The following ASTN2 variants were observed in gnomAD, a reference collection of about 807,000 sequenced individuals.
The protein encoded by ASTN2 is astrotactin-2.
Under a neutral mutation model 139.8 loss-of-function variants are expected in ASTN2, and 54 were observed. The ratio of observed to expected loss-of-function variants is 0.39; its 90% confidence interval spans 0.31 to 0.48. The LOEUF is 0.48. ASTN2 is among the 20% of genes least tolerant of loss of function. The probability of loss-of-function intolerance (pLI) is 0.95; values close to 1 mark genes in which losing one functional copy is unlikely to be tolerated. For missense variants in ASTN2, 1,565 were observed against 1,725.1 expected (o/e 0.91, Z 1.64); for synonymous variants, 756 against 719.5 (o/e 1.05, Z -0.81).
chr9:116,581,191 T>C (rs1159202491), intron 19 of ASTN2, among the ~76,000 whole-genome samples: 1 of 152,130 alleles, frequency 6.6e-6, no homozygotes, highest in Non-Finnish European at 1.5e-5. Context: ...AAAAAGACAG[T>C]GCTGCTTGCT....
intron 19 of ASTN2, among the ~76,000 whole-genome samples, chr9:116,539,013 A>AT (rs1564354400): frequency 6.6e-6 from 1 of 152,226 alleles, no homozygotes; most frequent in Non-Finnish European, 1.5e-5. Context: ...AAAAACAGCA[A>AT]TAAAAATGAA....
chr9:116,845,430 G>A (rs535127302), intron 11 of ASTN2, among the ~76,000 whole-genome samples: 1 of 152,288 alleles, frequency 6.6e-6, no homozygotes, highest in Admixed American at 6.5e-5. Flanking sequence ...AAATGTGAGA[G>A]TTCCCGACTT....
intron 16 of ASTN2, among the ~76,000 whole-genome samples, chr9:116,706,573 A>C (rs1471078392): frequency 6.6e-6 from 1 of 151,912 alleles, no homozygotes; most frequent in Non-Finnish European, 1.5e-5. Context: ...AAACCTTTTC[A>C]TATCTATTTG....
chr9:117,081,324 C>A (rs952640019), intron 5 of ASTN2, among the ~76,000 whole-genome samples: 1 of 152,174 alleles, frequency 6.6e-6, no homozygotes, highest in South Asian at 2.1e-4. Context: ...GAGGGAAGGA[C>A]ATGTTCTACC....
At chr9:116,991,876 C>T (rs1836865907) in intron 7 of ASTN2, among the ~76,000 whole-genome samples, 1 of 152,214 alleles carries the variant, frequency 6.6e-6, no homozygotes, top group Non-Finnish European at 1.5e-5. Context: ...TTGCTTCTCT[C>T]CCTGGTGACT....
intron 19 of ASTN2, chr9:116,585,485 A>G (rs1314888097): frequency 1.3e-5 from 2 of 152,152 alleles, no homozygotes; most frequent in Non-Finnish European, 2.9e-5. Context: ...AAACCAATGG[A>G]ACAGAATAGA....
intron 13 of ASTN2, among the ~76,000 whole-genome samples, chr9:116,748,482 G>C (rs1829310949): frequency 6.6e-6 from 1 of 152,122 alleles, no homozygotes; most frequent in Non-Finnish European, 1.5e-5. Context: ...GTAACTTTCA[G>C]TATGTTTCCA....
chr9:116,631,925 C>A (rs1856763696), intron 17 of ASTN2, among the ~76,000 whole-genome samples: 1 of 151,678 alleles, frequency 6.6e-6, no homozygotes, highest in African/African-American at 2.4e-5. Flanking sequence ...ACCATCCTGG[C>A]CAACATAGTG....
chr9:116,736,476 A>G (rs1488281593), intron 13 of ASTN2, among the ~76,000 whole-genome samples: 3 of 152,150 alleles, frequency 2.0e-5, no homozygotes, highest in Non-Finnish European at 4.4e-5. Flanking sequence ...CCTGTGACAC[A>G]CACAGACTGT....
At chr9:117,039,204 A>T (rs1377580123) in intron 6 of ASTN2, among the ~76,000 whole-genome samples, 1 of 152,212 alleles carries the variant, frequency 6.6e-6, no homozygotes, top group Non-Finnish European at 1.5e-5. Flanking sequence ...TCTTTACTGG[A>T]TAAAGAAAAT....
intron 4 of ASTN2, among the ~76,000 whole-genome samples, chr9:117,113,047 C>T (rs1265796822): frequency 6.6e-6 from 1 of 152,126 alleles, no homozygotes; most frequent in Non-Finnish European, 1.5e-5. Flanking sequence ...TACAACTGCA[C>T]AACAATTAGA....
chr9:116,434,213 T>A (rs563765343), intron 22 of ASTN2, among the ~76,000 whole-genome samples: 1 of 152,254 alleles, frequency 6.6e-6, no homozygotes, highest in East Asian at 1.9e-4. Flanking sequence ...AATGTACACA[T>A]CCACTGTGCA....
chr9:117,302,706 G>A (rs1187597186), intron 1 of ASTN2, among the ~76,000 whole-genome samples: 1 of 152,178 alleles, frequency 6.6e-6, no homozygotes, highest in Non-Finnish European at 1.5e-5. Flanking sequence ...ATGGCACCAT[G>A]CAGTGTGATG....
chr9:116,627,233 C>T (rs1856511571), intron 17 of ASTN2, among the ~76,000 whole-genome samples: 1 of 152,168 alleles, frequency 6.6e-6, no homozygotes, highest in Non-Finnish European at 1.5e-5. Context: ...CAAAAATTGC[C>T]TGGAAAAGGT....
intron 10 of ASTN2, among the ~76,000 whole-genome samples, chr9:116,929,804 T>G (rs749717162): frequency 2.6e-5 from 4 of 152,212 alleles, no homozygotes; most frequent in African/African-American, 4.8e-5. Flanking sequence ...TTAGACTATT[T>G]AAAACTTTGA....
intron 19 of ASTN2, among the ~76,000 whole-genome samples, chr9:116,507,927 C>T (rs749026351): frequency 4.6e-5 from 7 of 152,066 alleles, no homozygotes; most frequent in African/African-American, 1.2e-4. Flanking sequence ...TCGCTCTTGT[C>T]GCCCAGGCTG....
At chr9:116,818,316 C>A (rs1831392532) in intron 12 of ASTN2, among the ~76,000 whole-genome samples, 1 of 152,160 alleles carries the variant, frequency 6.6e-6, no homozygotes. Flanking sequence ...TTTGTTTTCC[C>A]TGCTTAATTC....
At chr9:116,970,338 C>A (rs1015957959) in intron 10 of ASTN2, among the ~76,000 whole-genome samples, 3 of 152,128 alleles carry the variant, frequency 2.0e-5, no homozygotes, top group African/African-American at 7.2e-5. Context: ...CTAGGTCATG[C>A]GAATGCTACT....
At chr9:117,003,953 C>CGCGCGCGCGTGTGTGT (rs1218309835) in intron 7 of ASTN2, among the ~76,000 whole-genome samples, 47 of 146,286 alleles carry the variant, frequency 3.2e-4, no homozygotes, top group African/African-American at 1.1e-3. Flanking sequence ...CGCGCGCGCG[C>CGCGCGCGCGTGTGTGT]GTGTGTGTGT....
Sources: gnomAD v4.1 joint callset for allele counts (sites outside exome capture counted in the v4.1 genomes callset) on GRCh38, gnomAD v4.1.1 for gene constraint, MANE v1.5 for transcripts, NCBI Gene and HGNC (gene_info 2026-07-23, HGNC 2026-07-21) for gene names.